Variants in ADD2 observed in about 807,000 individuals in gnomAD.
ADD2 encodes the protein adducin 2, also known as beta-adducin.
In ADD2, 23 loss-of-function variants were observed where a neutral mutation model predicts 83.0. The observed-to-expected ratio is 0.28, with a 90% CI of 0.20 to 0.39. ADD2 has a LOEUF of 0.39. ADD2 is among the 10% of genes least tolerant of loss of function. ADD2 has a pLI of 1.00. For synonymous variants in ADD2, 375 were observed against 375.4 expected (o/e 1.00, Z 0.01); for missense variants, 758 against 944.9 (o/e 0.80, Z 2.59).
chr2:70,759,901 C>T (rs1408273858), intron 1 of ADD2, among the ~76,000 whole-genome samples: 2 of 152,192 alleles, frequency 1.3e-5, no homozygotes, highest in Non-Finnish European at 2.9e-5. Flanking sequence ...TTATATCCCT[C>T]ATCCCCACCC....
intron 5 of ADD2, 61 bp downstream of exon 5, chr2:70,696,184 C>T (rs782544050): frequency 5.1e-6 from 8 of 1,572,094 alleles, no homozygotes; most frequent in Non-Finnish European, 6.9e-6. Context: ...CAGGAGTTCT[C>T]CCTTTGGGTT....
chr2:70,694,423 T>C (rs1671204365), intron 6 of ADD2, among the ~76,000 whole-genome samples: 1 of 152,158 alleles, frequency 6.6e-6, no homozygotes, highest in Admixed American at 6.5e-5. Flanking sequence ...TCAGTGGCTC[T>C]GAGTGTCCAG....
rs373441998 is a variant in ADD2 at position 70,754,248 on chromosome 2, C to T, written c.-154+13638G>A. ...TAATGCCTCCTTGGTTACCTTCCTTCCTGCTTGGAAACCAATCGAATTGAA... is the reference window on the plus strand; with the variant it reads ...TAATGCCTCCTTGGTTACCTTCCTTTCTGCTTGGAAACCAATCGAATTGAA... On this transcript the variant is annotated intron_variant, in intron 1 of 15. Coordinates refer to ENST00000264436, the MANE Select transcript of ADD2 (RefSeq NM_001617.4). Among the ~76,000 whole-genome samples, 46 of 152,260 alleles carry T rather than the reference C, an allele frequency of 3.0e-4. No individual in the cohort carries two copies. The South Asian group carries it at 9.5e-3, about 32-fold the overall frequency.
chr2:70,735,531 C>T (rs1553379931), intron 1 of ADD2, among the ~76,000 whole-genome samples: 1 of 151,978 alleles, frequency 6.6e-6, no homozygotes, highest in African/African-American at 2.4e-5. Context: ...CCTCGACCTC[C>T]ACACCCCTAA....
At chr2:70,687,543 T>A (rs1443164293) in intron 9 of ADD2, among the ~76,000 whole-genome samples, 1 of 152,144 alleles carries the variant, frequency 6.6e-6, no homozygotes, top group Non-Finnish European at 1.5e-5. Flanking sequence ...CCGCTTCTTT[T>A]TCTGGACGTG....
At position 70,676,747 on chromosome 2, in the gene ADD2, C is replaced by T; in HGVS notation, c.1593+49G>A. The T allele has an allele frequency of 1.2e-6, 2 of 1,613,344 alleles. No individual in the cohort carries two copies. The highest frequency in any genetic ancestry group is 1.7e-6 in the Non-Finnish European group (2 of 1,179,628). ...AACCCAGCCCCAGGCACAGAAGACC[C>T]CGAAGGCAAACACGTTTCCCCGCCA... On this transcript the variant is annotated intron_variant, in intron 13 of 15. Transcript: ENST00000264436. The surrounding 1 kb of genome is among the most constrained non-coding windows in gnomAD (Gnocchi z 4.8).
At chr2:70,675,315 C>T (rs939073800) in intron 13 of ADD2, 2 of 987,404 alleles carry the variant, frequency 2.0e-6, no homozygotes, top group African/African-American at 3.5e-5. Context: ...CACACAGCAG[C>T]TTCAGTGCTC....
intron 1 of ADD2, among the ~76,000 whole-genome samples, chr2:70,760,034 G>A (rs1238659758): frequency 6.6e-6 from 1 of 152,188 alleles, no homozygotes; most frequent in Non-Finnish European, 1.5e-5. Flanking sequence ...TGGGCTGGGT[G>A]ATATTGGCTG....
intron 15 of ADD2, among the ~76,000 whole-genome samples, chr2:70,670,122 T>C (rs1453006239): frequency 9.2e-5 from 14 of 152,332 alleles, no homozygotes; most frequent in African/African-American, 3.4e-4. Context: ...TTCTATACCA[T>C]GACTTAAATC....
At chr2:70,761,228 T>TTA (rs1553384836) in intron 1 of ADD2, among the ~76,000 whole-genome samples, 18 of 58,454 alleles carry the variant, frequency 3.1e-4, no homozygotes, top group South Asian at 2.4e-3. Context: ...CATGCATTAC[T>TTA]TTTTTTTTTT....
rs570908621 is a variant in ADD2 at position 70,736,106 on chromosome 2, C to G, written c.-153-22922G>C. On this transcript the variant is annotated intron_variant, in intron 1 of 15. Coordinates refer to ENST00000264436, the MANE Select transcript of ADD2 (RefSeq NM_001617.4). ...AGGGAAGAAGCCCTATACTCAAATC[C>G]AGAGTCTCTAACTGCCGGGGGTGGG... 2.1e-3 allele frequency among the ~76,000 whole-genome samples: 312 copies of G among 152,136 alleles called. 2 individuals are homozygous for G. Among genetic ancestry groups the G allele is most frequent in the Non-Finnish European group, 2.4e-3 (160 of 67,992 alleles).
At position 70,672,989 on chromosome 2, in the gene ADD2, G is replaced by C. The variant is rs549486485; in HGVS notation, c.1759C>G (p.Pro587Ala). ...TTTGCAGGTGAGCCAGGCTCTTCTG[G>C]GGCAGTTTCTTTCTCTCCTGAAAAA... ...LELDGEKETA[P>A]EEPGSPAKSA... The change falls in exon 15 of 16, where the codon CCA (proline) becomes GCA (alanine). Residue 587 changes from proline to alanine, a missense_variant. Pro to Ala is a conservative substitution (Grantham distance 27). Around this residue, in one of 5 missense-constraint regions of ADD2, gnomAD observed 165 missense variants for 176.2 expected, o/e 0.94. Transcript: ENST00000264436. 6.2e-7 allele frequency: 1 copy of C among 1,613,338 alleles called. No individual in the cohort carries two copies. The highest frequency in any genetic ancestry group is 8.5e-7 in the Non-Finnish European group (1 of 1,179,856).
chr2:70,738,751 C>T (rs1421700932), intron 1 of ADD2, among the ~76,000 whole-genome samples: 1 of 152,168 alleles, frequency 6.6e-6, no homozygotes, highest in Non-Finnish European at 1.5e-5. Flanking sequence ...GGGAGTCAGA[C>T]AAAATCCACC....
chr2:70,767,758 C>T (rs1675483583), intron 1 of ADD2, 128 bp downstream of exon 1: 2 of 1,453,998 alleles, frequency 1.4e-6, no homozygotes, highest in Non-Finnish European at 9.0e-7. Flanking sequence ...GCAGCACCGA[C>T]GCGCTCGGCA....
intron 2 of ADD2, among the ~76,000 whole-genome samples, chr2:70,712,456 TAAATA>T (rs1672237886): frequency 9.2e-5 from 6 of 65,270 alleles, no homozygotes; most frequent in African/African-American, 5.2e-4. Flanking sequence ...AAAAAATAAA[TAAATA>T]AAAAAAAAAA....
Position 70,658,602 on chromosome 2 carries a change from C to T in ADD2, c.*4823G>A. ...GGAGTGGAGAGCTTAAATTTAGCCTCTCCCTCATTTCTTTTCAGACTCTTT... is the reference window on the plus strand; with the variant it reads ...GGAGTGGAGAGCTTAAATTTAGCCTTTCCCTCATTTCTTTTCAGACTCTTT... On this transcript the variant is annotated 3_prime_UTR_variant, in exon 16 of 16. Transcript: ENST00000264436. 1 of 152,104 alleles carries T rather than the reference C, an allele frequency of 6.6e-6. No homozygotes were observed. Among genetic ancestry groups the T allele is most frequent in the East Asian group, 1.9e-4 (1 of 5,186 alleles). 9.4% of individuals were successfully genotyped at this position (152,104 alleles called of 1,614,324 possible). A position where few individuals can be genotyped will look rare whatever the true frequency, so the allele number is the denominator to read the frequency against.
intron 4 of ADD2, 23 bp downstream of exon 4, chr2:70,704,295 CTGG>C: frequency 6.4e-7 from 1 of 1,561,934 alleles, no homozygotes; most frequent in Non-Finnish European, 8.7e-7. Context: ...ACCTCTGCTC[CTGG>C]CAGCTCCCCA....
chr2:70,767,257 C>T (rs966247871), intron 1 of ADD2: 1 of 152,732 alleles, frequency 6.5e-6, no homozygotes, highest in Non-Finnish European at 1.5e-5. Flanking sequence ...GCAAGACCCC[C>T]TCGGGTACAG....
rs1482400605 is a variant in ADD2 at position 70,661,432 on chromosome 2, TG to T, written c.*1992del. The T allele has an allele frequency of 6.6e-6, 1 of 152,118 alleles. No individual in the cohort carries two copies. The highest frequency in any genetic ancestry group is 1.5e-5 in the Non-Finnish European group (1 of 68,018). 9.4% of individuals were successfully genotyped at this position (152,118 alleles called of 1,614,324 possible). A position where few individuals can be genotyped will look rare whatever the true frequency, so the allele number is the denominator to read the frequency against. On this transcript the variant is annotated 3_prime_UTR_variant, in exon 16 of 16. Transcript: ENST00000264436. The stretch of plus-strand genomic sequence containing the variant: ...ATGACAGATTTTTCTGAGGCATGAG[TG>T]GGTTGTCCCTCCTAAAATTTGACCC...
Sources: allele counts gnomAD v4.1 joint callset (sites outside exome capture counted in the v4.1 genomes callset), GRCh38; gene constraint gnomAD v4.1.1; regional missense constraint gnomAD v4.1.1; non-coding constraint Gnocchi (gnomAD v3.1); transcripts MANE v1.5; gene names NCBI Gene and HGNC (gene_info 2026-07-23, HGNC 2026-07-21).